CACNA1C: variants seen among roughly 807,000 people sequenced by gnomAD.
CACNA1C encodes the protein calcium voltage-gated channel subunit alpha1 C.
CACNA1C carries 30 observed loss-of-function variants against 229.0 expected under a neutral mutation model. The ratio of observed to expected loss-of-function variants is 0.13; its 90% CI spans 0.10 to 0.18. CACNA1C has a LOEUF of 0.18. Ranked by LOEUF, CACNA1C falls within the 10% of genes least tolerant of loss-of-function variation. The pLI is 1.00. For missense variants in CACNA1C, 1,658 were observed against 2,845.0 expected (o/e 0.58, Z 9.49); for synonymous variants, 1,114 against 1,132.5 (o/e 0.98, Z 0.33).
At chr12:2,059,550 G>C (rs1049280373) in intron 1 of CACNA1C, among the ~76,000 whole-genome samples, 1 of 152,128 alleles carries the variant, frequency 6.6e-6, no homozygotes, top group Non-Finnish European at 1.5e-5. Context: ...CCACAGAACA[G>C]TTCTCTGCAA....
chr12:2,459,871 T>C (rs1246851649), intron 5 of CACNA1C, among the ~76,000 whole-genome samples: 1 of 152,170 alleles, frequency 6.6e-6, no homozygotes, highest in Non-Finnish European at 1.5e-5. Flanking sequence ...GGCCTGCAAT[T>C]TTTATTAGGG....
At chr12:2,018,104 A>G (rs1007885284) in intron 1 of CACNA1C, 10 of 152,226 alleles carry the variant, frequency 6.6e-5, no homozygotes, top group African/African-American at 2.4e-4. Flanking sequence ...AAGCCCGGAT[A>G]TGTCACATTT....
chr12:2,590,684 G>T (rs955702234), intron 18 of CACNA1C, among the ~76,000 whole-genome samples: 1 of 152,318 alleles, frequency 6.6e-6, no homozygotes, highest in Admixed American at 6.5e-5. Context: ...TTCATAAACG[G>T]GGGGGAGCTC....
At chr12:2,193,083 G>T (rs767060981) in intron 3 of CACNA1C, among the ~76,000 whole-genome samples, 8 of 152,236 alleles carry the variant, frequency 5.3e-5, no homozygotes, top group Admixed American at 1.3e-4. Flanking sequence ...TCCACACCTG[G>T]AGTGAGGGGA....
At chr12:2,214,556 C>T (rs980705062) in intron 3 of CACNA1C, among the ~76,000 whole-genome samples, 35 of 151,776 alleles carry the variant, frequency 2.3e-4, no homozygotes, top group African/African-American at 8.5e-4. Context: ...GAGCAACTGC[C>T]AAGGTCGCTG....
chr12:2,091,897 C>T (rs1224546402), intron 1 of CACNA1C, among the ~76,000 whole-genome samples: 2 of 152,110 alleles, frequency 1.3e-5, no homozygotes, highest in Non-Finnish European at 2.9e-5. Context: ...TTTGGCTTTG[C>T]CTGGGTGGGA....
chr12:2,183,783 C>A (rs1319462357), intron 3 of CACNA1C, among the ~76,000 whole-genome samples: 1 of 152,234 alleles, frequency 6.6e-6, no homozygotes, highest in African/African-American at 2.4e-5. Flanking sequence ...AGTCACGGGG[C>A]TCTCCAGCAG....
intron 3 of CACNA1C, among the ~76,000 whole-genome samples, chr12:2,426,407 T>C (rs1237809565): frequency 1.3e-5 from 2 of 152,086 alleles, no homozygotes; most frequent in Non-Finnish European, 2.9e-5. Context: ...TCTGTAAGAA[T>C]GGGTAAAATC....
chr12:2,663,823 A>G (rs1300723755), intron 34 of CACNA1C, among the ~76,000 whole-genome samples: 5 of 143,564 alleles, frequency 3.5e-5, no homozygotes, highest in South Asian at 4.5e-4. Flanking sequence ...CTCACTGCAA[A>G]CTCCGCCTCC....
chr12:2,066,133 G>A (rs1438215222), intron 1 of CACNA1C, among the ~76,000 whole-genome samples: 1 of 152,120 alleles, frequency 6.6e-6, no homozygotes. Context: ...AGGCAAGAGA[G>A]GGAAGGAGTG....
intron 10 of CACNA1C, among the ~76,000 whole-genome samples, chr12:2,554,421 C>T (rs771769863): frequency 2.6e-5 from 4 of 152,206 alleles, no homozygotes; most frequent in Non-Finnish European, 5.9e-5. Context: ...AATTGTGCCT[C>T]ATTGGAACAA....
At position 2,587,738 on chromosome 12, in the gene CACNA1C, C is replaced by T. The variant is rs529784659; in HGVS notation, c.2530+1834C>T. 2.0e-5 allele frequency among the ~76,000 whole-genome samples: 3 copies of T among 152,282 alleles called. No homozygotes were observed. In the South Asian group the frequency reaches 6.2e-4, roughly 32 times the overall value. On this transcript the variant is annotated intron_variant, in intron 18 of 46. Coordinates refer to ENST00000399655, the MANE Select transcript of CACNA1C (RefSeq NM_000719.7). ...GCTGAAAAGCTCTTCCCACCCTCTG[C>T]TGAGGCCTCAGGATTCTTGAGATTT...
chr12:2,160,089 C>T lies in CACNA1C; in HGVS notation c.477+39659C>T, dbSNP rs185559702. On this transcript the variant is annotated intron_variant, in intron 3 of 46. Transcript: ENST00000399655. ...GGATCCTATTTAATTTGCTAGTTAC[C>T]ACCTGCCCTATACGCCTCTGGATTT... Among the ~76,000 whole-genome samples the T allele has an allele frequency of 2.3e-4, 35 of 152,286 alleles. No individual in the cohort carries two copies. The East Asian group carries it at 6.7e-3, about 29-fold the overall frequency.
intron 3 of CACNA1C, among the ~76,000 whole-genome samples, chr12:2,247,517 A>G (rs1481716213): frequency 2.6e-5 from 4 of 152,290 alleles, no homozygotes; most frequent in East Asian, 3.9e-4. Context: ...TAACACGGCA[A>G]TGTGACTGCA....
chr12:2,219,357 C>G (rs911176536), intron 3 of CACNA1C, among the ~76,000 whole-genome samples: 1 of 152,232 alleles, frequency 6.6e-6, no homozygotes, highest in South Asian at 2.1e-4. Context: ...CTCTTCTCCC[C>G]TCTTCTGCCT....
intron 34 of CACNA1C, among the ~76,000 whole-genome samples, chr12:2,662,009 A>G (rs550433630): frequency 2.6e-5 from 4 of 152,284 alleles, no homozygotes; most frequent in South Asian, 2.1e-4. Context: ...TCGGGAGGCC[A>G]AGGCGGGTGG....
intron 1 of CACNA1C, among the ~76,000 whole-genome samples, chr12:2,021,902 G>T (rs528093105): frequency 6.6e-6 from 1 of 152,304 alleles, no homozygotes; most frequent in African/African-American, 2.4e-5. Context: ...TATTGCATTG[G>T]GGGTTAAGTT....
chr12:2,530,977 C>A (rs1462298229), intron 9 of CACNA1C, among the ~76,000 whole-genome samples: 4 of 152,252 alleles, frequency 2.6e-5, no homozygotes, highest in Admixed American at 6.5e-5. Context: ...CGAGGACATT[C>A]TTCTCTTGGC....
chr12:2,686,199 A>G lies in CACNA1C; in HGVS notation c.5714A>G (p.Lys1905Arg), dbSNP rs375147582. Reference protein sequence around the residue: ...RRASFHLECLKRQKDRGGDIS... With the variant: ...RRASFHLECLRRQKDRGGDIS... ...GCCTCCTTCCACCTGGAATGTCTGA[A>G]GCGACAGAAGGACCGAGGGGGAGAC... The change falls in exon 45 of 47, where the codon AAG becomes AGG. Residue 1905 changes from lysine (K) to arginine (R), a missense_variant. Transcript: ENST00000399655. The G allele has an allele frequency of 6.2e-7, 1 of 1,613,770 alleles. No homozygotes were observed. The highest frequency in any genetic ancestry group is 8.5e-7 in the Non-Finnish European group (1 of 1,179,874).
Sources: gnomAD v4.1 joint callset for allele counts (sites outside exome capture counted in the v4.1 genomes callset) on GRCh38, gnomAD v4.1.1 for gene constraint, MANE v1.5 for transcripts, NCBI Gene and HGNC (gene_info 2026-07-23, HGNC 2026-07-21) for gene names.